VAMP7: variants seen among roughly 807,000 people sequenced by gnomAD.
VAMP7 encodes the protein vesicle associated membrane protein 7, also known as vesicle-associated membrane protein 7.
Under a neutral mutation model 29.6 loss-of-function variants are expected in VAMP7, and 14 were observed. That is an observed-to-expected ratio of 0.47 (90% confidence interval 0.31 to 0.74). The LOEUF (loss-of-function observed/expected upper bound fraction) is 0.74, where lower values mean the gene tolerates loss of function less well. VAMP7 is among the 30% of genes least tolerant of loss of function. The pLI is 0.05. For synonymous variants in VAMP7, 95 were observed against 88.1 expected (o/e 1.08, Z -0.44); for missense variants, 223 against 262.4 (o/e 0.85, Z 1.04).
At chrX:155,931,555 GTTGT>G (rs1412403587) in intron 6 of VAMP7, among the ~76,000 whole-genome samples, 7 of 152,160 alleles carry the variant, frequency 4.6e-5, no homozygotes, top group Admixed American at 1.3e-4. Flanking sequence ...TGTTGATGGG[GTTGT>G]TTGTTTCTTT....
intron 5 of VAMP7, among the ~76,000 whole-genome samples, chrX:155,907,178 T>A (rs1443899099): frequency 1.3e-5 from 2 of 152,098 alleles, no homozygotes; most frequent in Admixed American, 1.3e-4. Flanking sequence ...TTTTTGCATA[T>A]TATTGGATTC....
intron 3 of VAMP7, among the ~76,000 whole-genome samples, 167 bp from the exon 4 acceptor site, chrX:155,897,945 C>A (rs1161455530): frequency 1.3e-5 from 2 of 152,134 alleles, no homozygotes; most frequent in African/African-American, 4.8e-5. Context: ...AAGTTAGTTA[C>A]TTTTTCAGAG....
At chrX:155,897,281 G>A (rs2066000293) in intron 3 of VAMP7, among the ~76,000 whole-genome samples, 1 of 151,946 alleles carries the variant, frequency 6.6e-6, no homozygotes, top group Non-Finnish European at 1.5e-5. Context: ...CTTGAATTTG[G>A]ACCATTGACC....
At chrX:155,887,297 G>T (rs1475985842) in intron 1 of VAMP7, among the ~76,000 whole-genome samples, 1 of 151,814 alleles carries the variant, frequency 6.6e-6, no homozygotes, top group Non-Finnish European at 1.5e-5. Context: ...AGATCTAACT[G>T]AGCTCATCTG....
chrX:155,896,021 C>A (rs2065982848), intron 3 of VAMP7, among the ~76,000 whole-genome samples: 1 of 152,160 alleles, frequency 6.6e-6, no homozygotes, highest in Non-Finnish European at 1.5e-5. Flanking sequence ...TTCACCCTCC[C>A]CCAGTCCTTG....
intron 7 of VAMP7, among the ~76,000 whole-genome samples, 166 bp downstream of exon 7, chrX:155,939,959 T>C (rs1176334073): frequency 2.0e-5 from 3 of 152,006 alleles, no homozygotes; most frequent in Non-Finnish European, 4.4e-5. Flanking sequence ...CTATGAAATA[T>C]CTCTACTTAA....
intron 6 of VAMP7, among the ~76,000 whole-genome samples, chrX:155,933,432 G>GA (rs1223009143): frequency 6.6e-6 from 1 of 152,160 alleles, no homozygotes; most frequent in Non-Finnish European, 1.5e-5. Flanking sequence ...TTAGTCTTGG[G>GA]AGGGTGTATG....
chrX:155,908,157 G>A (rs957347831), intron 5 of VAMP7, among the ~76,000 whole-genome samples: 11 of 152,228 alleles, frequency 7.2e-5, no homozygotes, highest in African/African-American at 2.7e-4. Context: ...CAGACGGGGT[G>A]GCGGCTGGGC....
chrX:155,894,850 A>T (rs2065967175), intron 2 of VAMP7, among the ~76,000 whole-genome samples: 1 of 151,918 alleles, frequency 6.6e-6, no homozygotes, highest in South Asian at 2.1e-4. Flanking sequence ...TCCTGAGCTC[A>T]AGCGATCTGC....
At chrX:155,904,256 A>C (rs2066114942) in intron 5 of VAMP7, among the ~76,000 whole-genome samples, 7 of 150,640 alleles carry the variant, frequency 4.6e-5, no homozygotes. Flanking sequence ...CTAATGCTAA[A>C]TGACGAGTTA....
chrX:155,918,732 A>C (rs1032246362), intron 5 of VAMP7, among the ~76,000 whole-genome samples: 1 of 152,208 alleles, frequency 6.6e-6, no homozygotes, highest in East Asian at 1.9e-4. Flanking sequence ...TGGGAGCTGC[A>C]GACCAGAGCT....
chrX:155,892,898 G>A (rs1383050569), intron 2 of VAMP7, among the ~76,000 whole-genome samples: 4 of 151,884 alleles, frequency 2.6e-5, no homozygotes, highest in African/African-American at 7.3e-5. Flanking sequence ...GATGACAGGC[G>A]TGTGCCACCA....
intron 6 of VAMP7, among the ~76,000 whole-genome samples, chrX:155,933,171 T>G (rs753352068): frequency 2.6e-3 from 403 of 152,258 alleles, no homozygotes; most frequent in African/African-American, 9.2e-3. Flanking sequence ...TCTCTTTTTG[T>G]GTTGTGTCTC....
intron 5 of VAMP7, among the ~76,000 whole-genome samples, chrX:155,909,010 A>G (rs2066193717): frequency 6.6e-6 from 1 of 151,934 alleles, no homozygotes; most frequent in Admixed American, 6.6e-5. Flanking sequence ...GTTTTTTTGT[A>G]GAGACAAGGT....
chrX:155,909,997 G>GAGACAGAATA (rs2066214029), intron 5 of VAMP7, among the ~76,000 whole-genome samples: 1 of 151,680 alleles, frequency 6.6e-6, no homozygotes, highest in Non-Finnish European at 1.5e-5. Flanking sequence ...ATACACTATT[G>GAGACAGAATA]TTAACTTTAG....
intron 5 of VAMP7, among the ~76,000 whole-genome samples, chrX:155,919,385 A>G (rs1472398255): frequency 6.6e-6 from 1 of 152,116 alleles, no homozygotes; most frequent in Non-Finnish European, 1.5e-5. Context: ...TTATTAGCAT[A>G]TAGTTGTTAA....
In VAMP7 at chrX:155,939,736, T is replaced by C. The variant is rs767382473; in HGVS notation, c.537T>C (p.Ala179=). 6.2e-7 allele frequency: 1 copy of C among 1,613,950 alleles called. No individual in the cohort carries two copies. The highest frequency in any genetic ancestry group is 1.7e-5 in the Admixed American group (1 of 60,016). ...TCAAAACTACCAGCAGAAATCTTGC[T>C]CGAGCCATGTGTATGAAGAACCTCA... is the stretch of plus-strand genomic sequence containing the variant. The part of the protein sequence containing the change: ...VTFKTTSRNL[A]RAMCMKNLKL... Residue 179 remains alanine (A), a synonymous_variant, in exon 7 of 8, where the codon GCT becomes GCC. Transcript: ENST00000286448.
At chrX:155,895,436 A>G (rs1363831069) in intron 2 of VAMP7, among the ~76,000 whole-genome samples, 187 bp from the exon 3 acceptor site, 2 of 152,140 alleles carry the variant, frequency 1.3e-5, no homozygotes, top group Admixed American at 6.5e-5. Context: ...TTTATTTCTT[A>G]TGTACTTCTA....
intron 1 of VAMP7, among the ~76,000 whole-genome samples, chrX:155,885,448 G>A (rs1203595308): frequency 1.3e-5 from 2 of 152,156 alleles, no homozygotes; most frequent in African/African-American, 4.8e-5. Flanking sequence ...TTTTGGCTAA[G>A]ATCAGGTGTA....
Sources: gnomAD v4.1 joint callset for allele counts (sites outside exome capture counted in the v4.1 genomes callset) on GRCh38, gnomAD v4.1.1 for gene constraint, MANE v1.5 for transcripts, NCBI Gene and HGNC (gene_info 2026-07-23, HGNC 2026-07-21) for gene names.